CMIP: variants seen among roughly 807,000 people sequenced by gnomAD.
The protein encoded by CMIP is c-Maf inducing protein.
In CMIP, 13 loss-of-function variants were observed where a neutral mutation model predicts 97.3. That is an observed-to-expected ratio of 0.13 (90% confidence interval 0.09 to 0.21). The LOEUF is 0.21. Among genes scored for constraint, CMIP ranks in the 10% least tolerant of loss-of-function variants. CMIP has a pLI of 1.00. For synonymous variants in CMIP, 538 were observed against 436.3 expected, an observed-to-expected ratio of 1.23 and a Z score of -2.91; for missense variants, 847 against 1,024.9, an observed-to-expected ratio of 0.83 and a Z score of 2.37.
At chr16:81,560,146 TAAA>T (rs71146020) in intron 1 of CMIP, among the ~76,000 whole-genome samples, 1 of 110,056 alleles carries the variant, frequency 9.1e-6, no homozygotes, top group Non-Finnish European at 1.8e-5. Flanking sequence ...GACTCTGTCT[TAAA>T]AAAAAAAAAA....
At chr16:81,698,481 C>G (rs899722068) in intron 14 of CMIP, among the ~76,000 whole-genome samples, 6 of 152,242 alleles carry the variant, frequency 3.9e-5, no homozygotes, top group East Asian at 1.9e-4. Context: ...GTCACGTCCC[C>G]TACCCCATAC....
At chr16:81,648,947 A>G (rs1325368111) in intron 3 of CMIP, among the ~76,000 whole-genome samples, 2 of 151,874 alleles carry the variant, frequency 1.3e-5, no homozygotes, top group African/African-American at 2.4e-5. Context: ...CATTGCCTAT[A>G]TCATGTGCTT....
intron 1 of CMIP, among the ~76,000 whole-genome samples, chr16:81,559,095 T>TG (rs1381767949): frequency 3.3e-5 from 5 of 152,204 alleles, no homozygotes; most frequent in African/African-American, 1.2e-4. Context: ...TTCCTTCTTC[T>TG]GTGTGCGGCT....
chr16:81,675,764 G>C (rs67084911), intron 9 of CMIP, among the ~76,000 whole-genome samples: 46,078 of 152,138 alleles, frequency 0.3, 7,155 homozygotes, highest in Middle Eastern at 0.38. Flanking sequence ...GGAGAGGAGA[G>C]AGTGCTGGGC....
At chr16:81,587,319 A>G (rs964773913) in intron 1 of CMIP, among the ~76,000 whole-genome samples, 5 of 152,222 alleles carry the variant, frequency 3.3e-5, no homozygotes, top group African/African-American at 7.2e-5. Context: ...ACCTCTGCTC[A>G]TTATATGATG....
chr16:81,693,706 C>G (rs544558325), intron 13 of CMIP, among the ~76,000 whole-genome samples: 3 of 152,238 alleles, frequency 2.0e-5, no homozygotes, highest in Non-Finnish European at 4.4e-5. Flanking sequence ...TGGTTTTCCA[C>G]TGGCTGGTGG....
chr16:81,485,822 G>A (rs765732377), intron 1 of CMIP, among the ~76,000 whole-genome samples: 1 of 152,214 alleles, frequency 6.6e-6, no homozygotes, highest in Non-Finnish European at 1.5e-5. Context: ...AGAGCTTGCT[G>A]GAGGTGGTAT....
At chr16:81,446,557 GT>G (rs940593910) in intron 1 of CMIP, among the ~76,000 whole-genome samples, 5 of 151,958 alleles carry the variant, frequency 3.3e-5, no homozygotes, top group African/African-American at 1.2e-4. Flanking sequence ...CTCATTGGGG[GT>G]GTAGCTTGTC....
chr16:81,514,857 G>A (rs1336967022), intron 1 of CMIP, among the ~76,000 whole-genome samples: 1 of 152,176 alleles, frequency 6.6e-6, no homozygotes, highest in Non-Finnish European at 1.5e-5. Flanking sequence ...GCCAGTGTGC[G>A]CCATGGTGGC....
chr16:81,471,074 C>T (rs1316269978), intron 1 of CMIP, among the ~76,000 whole-genome samples: 2 of 152,086 alleles, frequency 1.3e-5, no homozygotes, highest in Non-Finnish European at 2.9e-5. Context: ...TACAAATATA[C>T]CCACATGCAC....
intron 1 of CMIP, among the ~76,000 whole-genome samples, chr16:81,560,062 C>T (rs1474991941): frequency 6.6e-6 from 1 of 150,822 alleles, no homozygotes; most frequent in Non-Finnish European, 1.5e-5. Context: ...GAAGGAGAAT[C>T]GCTTCAACTG....
intron 9 of CMIP, among the ~76,000 whole-genome samples, chr16:81,672,636 T>TGC (rs1403981405): frequency 6.6e-6 from 1 of 152,150 alleles, no homozygotes; most frequent in African/African-American, 2.4e-5. Context: ...AATACAGTGG[T>TGC]GCAGTCATAG....
chr16:81,477,753 C>A (rs1422700816), intron 1 of CMIP, among the ~76,000 whole-genome samples: 1 of 152,164 alleles, frequency 6.6e-6, no homozygotes, highest in African/African-American at 2.4e-5. Flanking sequence ...GCCTAGGGCC[C>A]CTCCATGTGG....
At chr16:81,460,696 TGGA>T (rs1906849109) in intron 1 of CMIP, among the ~76,000 whole-genome samples, 1 of 152,184 alleles carries the variant, frequency 6.6e-6, no homozygotes. Flanking sequence ...CTTGAGGAGA[TGGA>T]GTGGTGTTCA....
At chr16:81,671,916 T>G in intron 8 of CMIP, 50 bp from the exon 9 acceptor site, 4 of 989,562 alleles carry the variant, frequency 4.0e-6, no homozygotes, top group Non-Finnish European at 6.3e-6. Flanking sequence ...ACCCTGTCCA[T>G]GGGCCCCACT....
At chr16:81,471,786 A>G (rs372291529) in intron 1 of CMIP, among the ~76,000 whole-genome samples, 4 of 152,230 alleles carry the variant, frequency 2.6e-5, no homozygotes, top group African/African-American at 7.2e-5. Flanking sequence ...TGGCAGTGGA[A>G]TTGAGTACAG....
At chr16:81,553,862 T>C (rs974600617) in intron 1 of CMIP, among the ~76,000 whole-genome samples, 1 of 152,274 alleles carries the variant, frequency 6.6e-6, no homozygotes, top group Non-Finnish European at 1.5e-5. Flanking sequence ...TTCAGCTTTG[T>C]GTGCAGACAC....
intron 5 of CMIP, among the ~76,000 whole-genome samples, chr16:81,659,982 T>C (rs1042773744): frequency 2.6e-5 from 4 of 152,236 alleles, no homozygotes; most frequent in Admixed American, 2.0e-4. Flanking sequence ...ATTAGTCTTC[T>C]TTGGACATGC....
At chr16:81,572,176 C>G (rs2091104001) in intron 1 of CMIP, among the ~76,000 whole-genome samples, 1 of 152,248 alleles carries the variant, frequency 6.6e-6, no homozygotes, top group Non-Finnish European at 1.5e-5. Context: ...GCGTCTGAAG[C>G]AGCCATCTCT....
Sources: gnomAD v4.1 joint callset for allele counts (sites outside exome capture counted in the v4.1 genomes callset) on GRCh38, gnomAD v4.1.1 for gene constraint, MANE v1.5 for transcripts, NCBI Gene and HGNC (gene_info 2026-07-23, HGNC 2026-07-21) for gene names.